The following FMN1 variants were observed in gnomAD, a reference collection of about 807,000 sequenced individuals.
FMN1 encodes formin 1.
A neutral mutation model predicts 132.4 loss-of-function variants in FMN1; 110 were observed. That is an observed-to-expected ratio of 0.83 (90% CI 0.71 to 0.97). The LOEUF is 0.97. Among genes scored for constraint, FMN1 ranks in the 50% least tolerant of loss-of-function variants. The pLI is 0.00. For synonymous variants in FMN1, 722 were observed against 651.7 expected, an observed-to-expected ratio of 1.11 and a Z score of -1.64; for missense variants, 1,792 against 1,705.3, an observed-to-expected ratio of 1.05 and a Z score of -0.90.
chr15:33,022,158 G>A lies in FMN1; in HGVS notation c.2162-14083C>T, dbSNP rs79911830. ...ACTTATAATAAATACCTAATACAAC[G>A]TCAATGCTATGTAAATACTTATCTT... On this transcript the variant is annotated intron_variant, in intron 6 of 20. Coordinates refer to ENST00000616417, the MANE Select transcript of FMN1 (RefSeq NM_001277313.2). Among the ~76,000 whole-genome samples the A allele has an allele frequency of 1.8e-3, 274 of 152,244 alleles. 2 individuals carry two copies. The highest frequency in any genetic ancestry group is 5.9e-3 in the African/African-American group (247 of 41,522).
At chr15:32,890,665 TTGTCAGA>T (rs2060005743) in intron 15 of FMN1, among the ~76,000 whole-genome samples, 1 of 152,200 alleles carries the variant, frequency 6.6e-6, no homozygotes, top group Admixed American at 6.5e-5. Flanking sequence ...TACTAGTCCT[TTGTCAGA>T]TGTATAGATT....
chr15:32,921,806 A>AT (rs2060832138), intron 10 of FMN1, among the ~76,000 whole-genome samples: 1 of 151,484 alleles, frequency 6.6e-6, no homozygotes, highest in South Asian at 2.1e-4. Flanking sequence ...AGTAGCTGGG[A>AT]TTACAAGTTT....
intron 19 of FMN1, among the ~76,000 whole-genome samples, chr15:32,796,451 T>C (rs1374965831): frequency 1.3e-5 from 2 of 152,218 alleles, no homozygotes; most frequent in Non-Finnish European, 2.9e-5. Flanking sequence ...ATTTTGGTTA[T>C]GAATTTTATT....
intron 4 of FMN1, among the ~76,000 whole-genome samples, chr15:33,124,957 T>C (rs945705397): frequency 6.6e-6 from 1 of 152,158 alleles, no homozygotes; most frequent in African/African-American, 2.4e-5. Flanking sequence ...TTTTGATTTC[T>C]TTGAAATCAG....
intron 4 of FMN1, among the ~76,000 whole-genome samples, chr15:33,110,775 T>TTA (rs2039671548): frequency 6.6e-6 from 1 of 150,560 alleles, no homozygotes; most frequent in Non-Finnish European, 1.5e-5. Context: ...TGCTATTCCT[T>TTA]TAGCCATTTT....
intron 9 of FMN1, among the ~76,000 whole-genome samples, chr15:32,953,831 G>A (rs372712717): frequency 9.2e-5 from 14 of 152,328 alleles, no homozygotes; most frequent in African/African-American, 3.4e-4. Context: ...ATACCGGAAG[G>A]TGGGAACATT....
intron 17 of FMN1, among the ~76,000 whole-genome samples, chr15:32,816,029 G>T (rs1258792): frequency 0.22 from 33,055 of 152,178 alleles, 3,737 homozygotes; most frequent in Non-Finnish European, 0.24. Flanking sequence ...AAGGTGCTCG[G>T]CCATGGCACC....
chr15:33,174,953 C>T (rs903288519), intron 3 of FMN1, among the ~76,000 whole-genome samples: 2 of 152,158 alleles, frequency 1.3e-5, no homozygotes, highest in Non-Finnish European at 2.9e-5. Context: ...ATTTGTTACA[C>T]TGAGAACTTT....
chr15:33,172,177 C>T (rs1414610424), intron 3 of FMN1, among the ~76,000 whole-genome samples: 2 of 149,708 alleles, frequency 1.3e-5, no homozygotes, highest in South Asian at 2.1e-4. Context: ...CACTGCACTC[C>T]AGACTGGGTG....
chr15:32,966,404 G>A (rs1477815615), intron 8 of FMN1, among the ~76,000 whole-genome samples: 1 of 152,072 alleles, frequency 6.6e-6, no homozygotes, highest in Non-Finnish European at 1.5e-5. Context: ...CAATAATAAG[G>A]ACGTGCTTCC....
chr15:33,026,644 G>A (rs1189336975), intron 6 of FMN1, among the ~76,000 whole-genome samples: 1 of 152,148 alleles, frequency 6.6e-6, no homozygotes, highest in Non-Finnish European at 1.5e-5. Context: ...AAGAATCTCT[G>A]TCCTTAGCTT....
chr15:32,920,374 T>A (rs2060790550), intron 10 of FMN1, among the ~76,000 whole-genome samples: 1 of 152,198 alleles, frequency 6.6e-6, no homozygotes, highest in Non-Finnish European at 1.5e-5. Flanking sequence ...CTTTTGGTAT[T>A]ATGGTCACCC....
intron 4 of FMN1, among the ~76,000 whole-genome samples, chr15:33,128,274 G>T (rs920360864): frequency 1.3e-5 from 2 of 152,222 alleles, no homozygotes; most frequent in South Asian, 2.1e-4. Context: ...AATTAGAAGC[G>T]CAACAGTTGG....
chr15:32,816,643 C>T (rs1009389978), intron 17 of FMN1, among the ~76,000 whole-genome samples: 5 of 152,162 alleles, frequency 3.3e-5, no homozygotes, highest in Non-Finnish European at 5.9e-5. Flanking sequence ...CCCTGACTCC[C>T]GACTAGTTTT....
intron 18 of FMN1, among the ~76,000 whole-genome samples, chr15:32,801,671 T>C (rs553958931): frequency 2.0e-5 from 3 of 152,226 alleles, no homozygotes; most frequent in Admixed American, 6.5e-5. Context: ...GGTAGGCACC[T>C]GCAGGCCCAG....
intron 17 of FMN1, among the ~76,000 whole-genome samples, chr15:32,804,918 C>A (rs2057624216): frequency 6.6e-6 from 1 of 152,140 alleles, no homozygotes; most frequent in Non-Finnish European, 1.5e-5. Flanking sequence ...CATTGATGGA[C>A]ATTTGGCTTG....
rs1367004866 is a variant in FMN1, at chr15:33,076,757, A to G, written c.2044-11683T>C. On this transcript the variant is annotated intron_variant, in intron 5 of 20. Transcript: ENST00000616417. ...TAAATGTTTCTTTTCATGACAATAA[A>G]TAAAAAAAACTACGGTATTTTATAA... Among the ~76,000 whole-genome samples the G allele has an allele frequency of 2.6e-5, 4 of 152,216 alleles. No individual in the cohort carries two copies. The East Asian group carries it at 7.7e-4, about 29-fold the overall frequency.
At chr15:32,795,316 T>C (rs1308300028) in intron 19 of FMN1, among the ~76,000 whole-genome samples, 4 of 152,158 alleles carry the variant, frequency 2.6e-5, no homozygotes, top group Non-Finnish European at 4.4e-5. Flanking sequence ...CTAATCTCTC[T>C]CCCAACTCAC....
chr15:32,916,840 G>C (rs1156837168), intron 10 of FMN1, among the ~76,000 whole-genome samples: 2 of 152,096 alleles, frequency 1.3e-5, no homozygotes, highest in African/African-American at 4.8e-5. Context: ...CAAAATACTG[G>C]TATTTTTCAG....
Sources: allele counts gnomAD v4.1 joint callset (sites outside exome capture counted in the v4.1 genomes callset), GRCh38; gene constraint gnomAD v4.1.1; transcripts MANE v1.5; gene names NCBI Gene and HGNC (gene_info 2026-07-23, HGNC 2026-07-21).